The following KSR2 variants were observed in gnomAD, a reference collection of about 807,000 sequenced individuals.
KSR2 encodes kinase suppressor of ras 2.
In KSR2, 25 loss-of-function variants were observed where a neutral mutation model predicts 107.8. That is an observed-to-expected ratio of 0.23 (90% CI 0.17 to 0.32). The LOEUF (loss-of-function observed/expected upper bound fraction) is 0.32. Ranked by LOEUF, KSR2 falls within the 10% of genes least tolerant of loss-of-function variation. The probability of loss-of-function intolerance (pLI) is 1.00; values close to 1 mark genes in which losing one functional copy is unlikely to be tolerated. For synonymous variants in KSR2, 480 were observed against 507.0 expected, an observed-to-expected ratio of 0.95 and a Z score of 0.71; for missense variants, 887 against 1,268.9, an observed-to-expected ratio of 0.70 and a Z score of 4.57.
chr12:117,740,610 A>T (rs867674834), intron 4 of KSR2, among the ~76,000 whole-genome samples: 17 of 87,138 alleles, frequency 2.0e-4, no homozygotes, highest in East Asian at 5.4e-4. Flanking sequence ...ATAGATGTAA[A>T]ATATACATAT....
intron 4 of KSR2, among the ~76,000 whole-genome samples, chr12:117,760,337 C>A (rs1342582698): frequency 6.6e-6 from 1 of 152,222 alleles, no homozygotes; most frequent in Non-Finnish European, 1.5e-5. Flanking sequence ...CTGCTTCCTA[C>A]CACCTTCAAC....
intron 3 of KSR2, 49 bp downstream of exon 3, chr12:117,855,379 G>A (rs781574836): frequency 2.0e-5 from 32 of 1,609,904 alleles, no homozygotes; most frequent in Non-Finnish European, 2.5e-5. Flanking sequence ...GACCGCGGCA[G>A]CTGTGCTGGG....
Position 117,842,724 on chromosome 12 carries a change from G to T in KSR2, c.472+12704C>A, listed in dbSNP as rs944232291. ...GGTTCTCTTTGTTCTCATTGGGGGG[G>T]TTCCACAAAAGCCAGATGCTGGCCA... is the stretch of plus-strand genomic sequence containing the variant. On this transcript the variant is annotated intron_variant, in intron 3 of 19. Transcript: ENST00000339824. This position sits in a 1 kb window ranked among gnomAD's most constrained non-coding sequence, Gnocchi z 4.2. Among the ~76,000 whole-genome samples the T allele has an allele frequency of 1.3e-4, 20 of 152,148 alleles. No homozygotes were observed. Among genetic ancestry groups the T allele is most frequent in the East Asian group, 3.9e-4 (2 of 5,192 alleles).
intron 4 of KSR2, among the ~76,000 whole-genome samples, chr12:117,725,215 C>T (rs1284226687): frequency 6.6e-6 from 1 of 151,992 alleles, no homozygotes; most frequent in African/African-American, 2.4e-5. Context: ...TGCACTCACC[C>T]CCAGCCCAGT....
rs766465372 is a variant in KSR2 at position 117,484,465 on chromosome 12, T to G, written c.2401A>C (p.Ile801Leu). 37 of 1,613,914 alleles carry G rather than the reference T, an allele frequency of 2.3e-5. 1 individual carries two copies. Among genetic ancestry groups the G allele is most frequent in the Non-Finnish European group, 2.9e-5 (34 of 1,179,894 alleles). Reference protein sequence around the residue: ...NVFYDNGKVVITDFGLFSISG... With the variant: ...NVFYDNGKVVLTDFGLFSISG... ...ATGCTGAAGAGTCCAAAGTCCGTGA[T>G]GACCACTTTGCCGTTGTCATAGAAG... The change falls in exon 16 of 20, where the codon ATC becomes CTC. Residue 801 changes from isoleucine (I) to leucine (L), a missense_variant. Transcript: ENST00000339824.
intron 10 of KSR2, among the ~76,000 whole-genome samples, chr12:117,534,735 G>A (rs1299789775): frequency 6.6e-6 from 1 of 152,000 alleles, no homozygotes; most frequent in African/African-American, 2.4e-5. Flanking sequence ...TTGAGGTGGG[G>A]AGATTATCCT....
At chr12:117,912,661 G>T (rs1201402526) in intron 1 of KSR2, among the ~76,000 whole-genome samples, 3 of 152,168 alleles carry the variant, frequency 2.0e-5, no homozygotes, top group Non-Finnish European at 2.9e-5. Context: ...CCTTGGCCTG[G>T]TGGGATTACG....
intron 4 of KSR2, among the ~76,000 whole-genome samples, chr12:117,717,640 T>A (rs112611730): frequency 6.6e-6 from 1 of 151,812 alleles, no homozygotes; most frequent in African/African-American, 2.4e-5. Flanking sequence ...CTACCATCCA[T>A]CCATGTGGCA....
intron 4 of KSR2, among the ~76,000 whole-genome samples, chr12:117,734,299 A>AAAAAAG: frequency 7.0e-6 from 1 of 142,980 alleles, no homozygotes; most frequent in African/African-American, 2.6e-5. Context: ...AAAAAAAAAA[A>AAAAAAG]AGAGAGAAAC....
chr12:117,672,211 C>T (rs1884940999), intron 4 of KSR2, among the ~76,000 whole-genome samples: 1 of 152,212 alleles, frequency 6.6e-6, no homozygotes, highest in Admixed American at 6.5e-5. Context: ...TTCAAAGAAA[C>T]ATCCATACAC....
In KSR2 at chr12:117,466,941, G is replaced by T; in HGVS notation, c.*258C>A. 1 of 435,468 alleles carries T rather than the reference G, an allele frequency of 2.3e-6. No individual in the cohort carries two copies. The highest frequency in any genetic ancestry group is 4.2e-5 in the Admixed American group (1 of 23,532). 27.0% of individuals were successfully genotyped at this position (435,468 alleles called of 1,614,324 possible). On this transcript the variant is annotated 3_prime_UTR_variant, in exon 20 of 20. Coordinates refer to ENST00000339824, the MANE Select transcript of KSR2 (RefSeq NM_173598.6). ...GTGCTCTCATTAGTGCTGTCCCCTG[G>T]GCCGCACTGATCAATAACGCATCAC...
At chr12:117,961,856 T>C (rs1270491161) in intron 1 of KSR2, among the ~76,000 whole-genome samples, 1 of 151,972 alleles carries the variant, frequency 6.6e-6, no homozygotes, top group South Asian at 2.1e-4. Flanking sequence ...AGCAAAGAAA[T>C]GATGGGAGGC....
At chr12:117,904,466 T>C (rs959147395) in intron 1 of KSR2, among the ~76,000 whole-genome samples, 4 of 152,176 alleles carry the variant, frequency 2.6e-5, no homozygotes, top group Non-Finnish European at 5.9e-5. Flanking sequence ...ACATCAACAC[T>C]TGGTTTAAAT....
At chr12:117,617,550 A>T (rs1215472536) in intron 5 of KSR2, among the ~76,000 whole-genome samples, 1 of 152,242 alleles carries the variant, frequency 6.6e-6, no homozygotes, top group Non-Finnish European at 1.5e-5. Context: ...AACAACATGG[A>T]TGTATTTCAA....
chr12:117,827,202 G>A (rs976162266), intron 3 of KSR2, among the ~76,000 whole-genome samples: 8 of 152,146 alleles, frequency 5.3e-5, no homozygotes, highest in African/African-American at 1.9e-4. Context: ...AAAAAAGAAG[G>A]TGTACCTGCT....
At chr12:117,656,896 T>C (rs573752986) in intron 5 of KSR2, among the ~76,000 whole-genome samples, 57 of 138,008 alleles carry the variant, frequency 4.1e-4, no homozygotes, top group Non-Finnish European at 7.9e-4. Flanking sequence ...AGTTAATACT[T>C]AATAAACTCC....
rs150543637 is a variant in KSR2 at position 117,573,819 on chromosome 12, G to A, written c.1325+5300C>T. 1.1e-3 allele frequency among the ~76,000 whole-genome samples: 172 copies of A among 152,184 alleles called. 3 individuals are homozygous for A. In the East Asian group the frequency reaches 0.024, roughly 21 times the overall value. On this transcript the variant is annotated intron_variant, in intron 7 of 19. Transcript: ENST00000339824. ...GCTGGGATTACAGGCATGAGCCACCGTGCCTGGCTCCTAATCACACGTTAT... is the reference window on the plus strand; with the variant it reads ...GCTGGGATTACAGGCATGAGCCACCATGCCTGGCTCCTAATCACACGTTAT...
intron 11 of KSR2, 29 bp from the exon 12 acceptor site, chr12:117,531,042 A>G (rs906233066): frequency 6.3e-7 from 1 of 1,597,450 alleles, no homozygotes; most frequent in Non-Finnish European, 8.6e-7. Flanking sequence ...ACACTCAGAA[A>G]AAAAATGTGA....
At chr12:117,635,693 C>T (rs1883034203) in intron 5 of KSR2, among the ~76,000 whole-genome samples, 1 of 151,988 alleles carries the variant, frequency 6.6e-6, no homozygotes, top group African/African-American at 2.4e-5. Context: ...AGAGATAGTA[C>T]AAAAGAGTTC....
Sources: allele counts gnomAD v4.1 joint callset (sites outside exome capture counted in the v4.1 genomes callset), GRCh38; gene constraint gnomAD v4.1.1; non-coding constraint Gnocchi (gnomAD v3.1); transcripts MANE v1.5; gene names NCBI Gene and HGNC (gene_info 2026-07-23, HGNC 2026-07-21).